CDK13: variants seen among roughly 807,000 people sequenced by gnomAD.
The protein encoded by CDK13 is cyclin-dependent kinase 13.
CDK13 carries 40 observed loss-of-function variants against 137.6 expected under a neutral mutation model. The observed-to-expected ratio is 0.29, with a 90% CI of 0.23 to 0.38. The LOEUF (loss-of-function observed/expected upper bound fraction) is 0.38. CDK13 is among the 10% of genes least tolerant of loss of function. The pLI is 1.00. For synonymous variants in CDK13, 869 were observed against 760.1 expected, an observed-to-expected ratio of 1.14 and a Z score of -2.36; for missense variants, 1,704 against 1,951.8, an observed-to-expected ratio of 0.87 and a Z score of 2.39.
In CDK13 at chr7:40,003,397, A is replaced by G. The variant is rs369508153; in HGVS notation, c.2353+1366A>G. 2.0e-5 allele frequency among the ~76,000 whole-genome samples: 3 copies of G among 151,882 alleles called. No individual in the cohort carries two copies. The East Asian group carries it at 5.8e-4, about 30-fold the overall frequency. ...GCTTTCATTTCTCAGCCTGACTTTT[A>G]CCCTGGTTTGTCTTTTTAACTTTAT... On this transcript the variant is annotated intron_variant, in intron 5 of 13. Transcript: ENST00000181839.
chr7:39,953,676 G>C (rs527512150), intron 1 of CDK13, among the ~76,000 whole-genome samples: 1 of 152,318 alleles, frequency 6.6e-6, no homozygotes, highest in Admixed American at 6.5e-5. Context: ...CATAGAGCTT[G>C]CATTCTGGAG....
At chr7:40,017,688 C>G (rs534850331) in intron 5 of CDK13, among the ~76,000 whole-genome samples, 21 of 151,028 alleles carry the variant, frequency 1.4e-4, no homozygotes, top group African/African-American at 4.1e-4. Flanking sequence ...CTTTGTTTTT[C>G]TTTGTTATTT....
intron 11 of CDK13, among the ~76,000 whole-genome samples, chr7:40,083,039 G>T (rs1786703988): frequency 3.3e-5 from 5 of 151,226 alleles, no homozygotes; most frequent in Admixed American, 3.3e-4. Context: ...GGAAACGGAG[G>T]CTGCAGTGAG....
rs895760731 is a variant in CDK13 at position 40,097,050 on chromosome 7, A to T, written c.*2070A>T. The T allele has an allele frequency of 6.6e-6, 1 of 152,170 alleles. No homozygotes were observed. The highest frequency in any genetic ancestry group is 2.4e-5 in the African/African-American group (1 of 41,462). 9.4% of individuals were successfully genotyped at this position (152,170 alleles called of 1,614,324 possible). ...GTCACACTTGATAATTCTGCTGACCATAAGCAGCTAACCTACAGTTGAAGA... is the reference window on the plus strand; with the variant it reads ...GTCACACTTGATAATTCTGCTGACCTTAAGCAGCTAACCTACAGTTGAAGA... On this transcript the variant is annotated 3_prime_UTR_variant, in exon 14 of 14. Transcript: ENST00000181839.
At chr7:39,979,635 C>T (rs1784182796) in intron 1 of CDK13, among the ~76,000 whole-genome samples, 1 of 152,094 alleles carries the variant, frequency 6.6e-6, no homozygotes, top group African/African-American at 2.4e-5. Context: ...ATAATACTCA[C>T]CCAACACCAC....
At chr7:40,071,040 G>A (rs144744600) in intron 9 of CDK13, 1 of 152,098 alleles carries the variant, frequency 6.6e-6, no homozygotes, top group South Asian at 2.1e-4. Flanking sequence ...GTTTACACAG[G>A]TGAAATTTTT....
intron 2 of CDK13, 51 bp downstream of exon 2, chr7:39,988,309 C>A (rs749878158): frequency 7.0e-7 from 1 of 1,434,922 alleles, no homozygotes; most frequent in Non-Finnish European, 9.5e-7. Flanking sequence ...AAATGTAAGT[C>A]TGAAGTGAGA....
chr7:40,053,304 C>T (rs1203089681), intron 7 of CDK13, among the ~76,000 whole-genome samples: 5 of 152,180 alleles, frequency 3.3e-5, no homozygotes, highest in African/African-American at 1.2e-4. Context: ...CAAAACCTAT[C>T]TATTTCATTC....
chr7:40,065,942 A>G (rs1786270657), intron 9 of CDK13, among the ~76,000 whole-genome samples: 1 of 152,132 alleles, frequency 6.6e-6, no homozygotes, highest in Admixed American at 6.6e-5. Flanking sequence ...TAATCTCCGC[A>G]TTTGGGAGGC....
intron 7 of CDK13, among the ~76,000 whole-genome samples, chr7:40,058,332 TAAGC>T (rs1325956836): frequency 6.6e-6 from 1 of 152,090 alleles, no homozygotes; most frequent in African/African-American, 2.4e-5. Flanking sequence ...TGGGCAGTTT[TAAGC>T]AAGCAGTTGA....
rs564723482 is a variant in CDK13, at chr7:39,968,826, G to C, written c.1211+16974G>C. Among the ~76,000 whole-genome samples the C allele has an allele frequency of 2.0e-5, 3 of 152,268 alleles. No individual in the cohort carries two copies. In the South Asian group the frequency reaches 6.2e-4, roughly 32 times the overall value. On this transcript the variant is annotated intron_variant, in intron 1 of 13. Coordinates refer to ENST00000181839, the MANE Select transcript of CDK13 (RefSeq NM_003718.5). ...GAGTATTCCACTGAATCAGAGTCTT[G>C]AATGGGGCATTTAAGACCCCCAACA...
intron 11 of CDK13, among the ~76,000 whole-genome samples, chr7:40,083,998 T>C (rs1786730758): frequency 2.0e-5 from 3 of 152,212 alleles, no homozygotes; most frequent in African/African-American, 2.4e-5. Context: ...TCAAACTCTT[T>C]TGATCAATTT....
At chr7:40,088,552 C>T (rs922409956) in intron 12 of CDK13, among the ~76,000 whole-genome samples, 6 of 152,184 alleles carry the variant, frequency 3.9e-5, no homozygotes, top group African/African-American at 1.4e-4. Flanking sequence ...AATTACCTGA[C>T]TGGCAAGTCC....
intron 3 of CDK13, 85 bp downstream of exon 3, chr7:39,997,749 T>C: frequency 3.0e-6 from 3 of 1,004,966 alleles, no homozygotes; most frequent in Non-Finnish European, 4.5e-6. Flanking sequence ...AAATTAAGGT[T>C]TAAAATAAAA....
At chr7:40,003,206 ACTCTCTCT>A (rs144732307) in intron 5 of CDK13, among the ~76,000 whole-genome samples, 12 of 79,862 alleles carry the variant, frequency 1.5e-4, no homozygotes, top group East Asian at 8.3e-4. Flanking sequence ...ACACACACAC[ACTCTCTCT>A]CTCTCTCTCT....
At chr7:39,963,006 A>G (rs1431293903) in intron 1 of CDK13, among the ~76,000 whole-genome samples, 2 of 152,146 alleles carry the variant, frequency 1.3e-5, no homozygotes, top group East Asian at 3.9e-4. Flanking sequence ...TACCAGTACC[A>G]TGCTGTTTTC....
At chr7:39,965,948 C>T (rs1235488611) in intron 1 of CDK13, among the ~76,000 whole-genome samples, 1 of 152,204 alleles carries the variant, frequency 6.6e-6, no homozygotes, top group Non-Finnish European at 1.5e-5. Flanking sequence ...TATTGGCCCC[C>T]ACTCTCTTCT....
chr7:40,056,433 C>T (rs1044197685), intron 7 of CDK13, among the ~76,000 whole-genome samples: 2 of 152,188 alleles, frequency 1.3e-5, no homozygotes, highest in African/African-American at 4.8e-5. Flanking sequence ...GCTTTATCCC[C>T]TTTCTCTGGA....
chr7:40,075,115 A>G (rs775816072), intron 9 of CDK13, among the ~76,000 whole-genome samples: 19 of 152,196 alleles, frequency 1.2e-4, no homozygotes, highest in Admixed American at 4.6e-4. Context: ...TTGTCCTATC[A>G]GACTTTCAAG....
Sources: allele counts gnomAD v4.1 joint callset (sites outside exome capture counted in the v4.1 genomes callset), GRCh38; gene constraint gnomAD v4.1.1; transcripts MANE v1.5; gene names NCBI Gene and HGNC (gene_info 2026-07-23, HGNC 2026-07-21).